Variants in NLE1 observed in about 807,000 individuals in gnomAD.
The protein encoded by NLE1 is notchless homolog 1, also known as notchless protein homolog 1.
A neutral mutation model predicts 62.8 loss-of-function variants in NLE1; 37 were observed. That is an observed-to-expected ratio of 0.59 (90% confidence interval 0.45 to 0.78). NLE1 has a LOEUF of 0.78. Among genes scored for constraint, NLE1 ranks in the 30% least tolerant of loss-of-function variants. The pLI, the probability that NLE1 is intolerant of heterozygous loss-of-function variation, is 0.00. For missense variants in NLE1, 555 were observed against 637.9 expected (o/e 0.87, Z 1.40); for synonymous variants, 243 against 253.0 (o/e 0.96, Z 0.37).
intron 4 of NLE1, 67 bp downstream of exon 4, chr17:35,139,168 G>T: frequency 2.9e-6 from 4 of 1,395,062 alleles, no homozygotes; most frequent in Non-Finnish European, 4.0e-6. Flanking sequence ...ACTCCATCCT[G>T]GTCAACAGAG....
chr17:35,133,615 C>G, intron 10 of NLE1, 117 bp from the exon 11 acceptor site: 1 of 936,816 alleles, frequency 1.1e-6, no homozygotes. Context: ...TTAGAAATAC[C>G]TGGGAACCTT....
chr17:35,129,678 G>A lies in NLE1; in HGVS notation c.*2759C>T, dbSNP rs202177233. On this transcript the variant is annotated 3_prime_UTR_variant, in exon 13 of 13. Coordinates refer to ENST00000442241, the MANE Select transcript of NLE1 (RefSeq NM_018096.5). The stretch of plus-strand genomic sequence containing the variant: ...TACAAAGTGAGCCCTGGGAAAAGAG[G>A]GGCCTTGGGGGTGGAGAGAAGTCCA... 6.2e-7 allele frequency: 1 copy of A among 1,609,100 alleles called. No individual in the cohort carries two copies. Among genetic ancestry groups the A allele is most frequent in the African/African-American group, 1.3e-5 (1 of 74,794 alleles).
chr17:35,137,714 T>TGGC, intron 5 of NLE1, 74 bp from the exon 6 acceptor site: 1 of 1,212,394 alleles, frequency 8.2e-7, no homozygotes, highest in Non-Finnish European at 1.2e-6. Flanking sequence ...GCCTACCACT[T>TGGC]CCCACCCAAC....
chr17:35,140,811 A>C (rs1446623535), intron 2 of NLE1, among the ~76,000 whole-genome samples: 2 of 152,086 alleles, frequency 1.3e-5, no homozygotes, highest in African/African-American at 4.8e-5. Flanking sequence ...GCTGGTCTCG[A>C]ACTCCTGACC....
intron 4 of NLE1, among the ~76,000 whole-genome samples, chr17:35,138,772 G>A (rs1029049970): frequency 6.6e-6 from 1 of 152,190 alleles, no homozygotes; most frequent in African/African-American, 2.4e-5. Flanking sequence ...AAGCCCCTGA[G>A]GCGGGGCAAT....
At chr17:35,141,273 T>G (rs1024352810) in intron 2 of NLE1, among the ~76,000 whole-genome samples, 13 of 151,998 alleles carry the variant, frequency 8.6e-5, no homozygotes, top group African/African-American at 2.9e-4. Context: ...AAAGGCCGGG[T>G]GCGGTGGCTC....
rs374880126 is a variant in NLE1, at chr17:35,139,413, C to T, written c.381-99G>A. 337 of 989,086 alleles carry T rather than the reference C, an allele frequency of 3.4e-4. 3 individuals carry two copies. The African/African-American group carries it at 5.0e-3, about 15-fold the overall frequency. The allele number at this position is 989,086 out of a possible 1,614,324, so 61.3% of individuals were successfully genotyped here. A position where few individuals can be genotyped will look rare whatever the true frequency, so the allele number is the denominator to read the frequency against. The stretch of plus-strand genomic sequence containing the variant: ...AGAATATGGAACTGGACTCTTTCCT[C>T]GCCCCTGGAAGGGAGAAAGACAATA... On this transcript the variant is annotated intron_variant, in intron 3 of 12. Transcript: ENST00000442241.
At chr17:35,133,568 T>C (rs992796234) in intron 10 of NLE1, 70 bp from the exon 11 acceptor site, 4 of 1,431,726 alleles carry the variant, frequency 2.8e-6, no homozygotes, top group Non-Finnish European at 2.8e-6. Context: ...AAGGGTCCCC[T>C]ACGCTCATGG....
rs1029595696 is a variant in NLE1 at position 35,142,270 on chromosome 17, C to T, written c.6G>A (p.Ala2=). 1.9e-6 allele frequency: 3 copies of T among 1,542,592 alleles called. No homozygotes were observed. The South Asian group carries it at 3.6e-5, about 18-fold the overall frequency. The change falls in exon 1 of 13, where the codon GCG becomes GCA. Residue 2 remains alanine (A), a synonymous_variant. Coordinates refer to ENST00000442241, the MANE Select transcript of NLE1 (RefSeq NM_018096.5). The part of the protein sequence containing the change: M[A]AAVPDEAVAR... ...CACGCACACCCACCGGCACTGCTGC[C>T]GCCATCCTGCGTCCCCACGTGGAGG...
Position 35,129,740 on chromosome 17 carries a change from C to T in NLE1, c.*2697G>A. 1.3e-6 allele frequency: 2 copies of T among 1,529,020 alleles called. No individual in the cohort carries two copies. The highest frequency in any genetic ancestry group is 1.8e-6 in the Non-Finnish European group (2 of 1,138,598). The allele number at this position is 1,529,020 out of a possible 1,614,324, so 94.7% of individuals were successfully genotyped here. On this transcript the variant is annotated 3_prime_UTR_variant, in exon 13 of 13. Transcript: ENST00000442241. The stretch of plus-strand genomic sequence containing the variant: ...CCAGGGCTTTGGAGGTTGGGAACAC[C>T]CCTATGCCCACATGACTCATCTGGC...
rs768772546 is a variant in NLE1, at chr17:35,139,850, T to C, written c.379A>G (p.Lys127Glu). The change falls in exon 3 of 13, where the codon AAG becomes GAG. Residue 127 changes from lysine to glutamate, a missense_variant and splice_region_variant. By Grantham distance (56) the Lys-to-Glu change is moderately conservative (BLOSUM62 1). Coordinates refer to ENST00000442241, the MANE Select transcript of NLE1 (RefSeq NM_018096.5). ...VISVAFSPTGKYLASGSGDTT... is the reference protein window; with the variant it reads ...VISVAFSPTGEYLASGSGDTT... ...CCATGAGTCTGCAGCTGTCCTTACT[T>C]TCCCGTAGGGCTGAAGGCCACAGAA... 3 of 1,611,926 alleles carry C rather than the reference T, an allele frequency of 1.9e-6. No homozygotes were observed. The highest frequency in any genetic ancestry group is 2.5e-6 in the Non-Finnish European group (3 of 1,179,972).
rs768525328 is a variant in NLE1 at position 35,137,597 on chromosome 17, G to A, written c.581C>T (p.Thr194Ile). 3 of 1,610,838 alleles carry A rather than the reference G, an allele frequency of 1.9e-6. No individual in the cohort carries two copies. Among genetic ancestry groups the A allele is most frequent in the Non-Finnish European group, 2.5e-6 (3 of 1,179,990 alleles). The change falls in exon 6 of 13, where the codon ACC becomes ATC. Residue 194 changes from threonine (T) to isoleucine (I), a missense_variant. Physicochemically the swap from Thr to Ile is moderately conservative, Grantham distance 89. Transcript: ENST00000442241. ...DPSTGKQVGR[T>I]LAGHSKWITG... Reference sequence around the variant, plus strand: ...GATCCACTTGCTGTGGCCAGCGAGGGTCCTGCCCACCTGCTTCCCTGTGCT... The same window carrying A: ...GATCCACTTGCTGTGGCCAGCGAGGATCCTGCCCACCTGCTTCCCTGTGCT...
In NLE1 at chr17:35,139,951, T is replaced by C. The variant is rs1439724725; in HGVS notation, c.278A>G (p.Gln93Arg). 1 of 1,614,190 alleles carries C rather than the reference T, an allele frequency of 6.2e-7. No homozygotes were observed. The highest frequency in any genetic ancestry group is 1.7e-5 in the Admixed American group (1 of 60,014). The change falls in exon 3 of 13, where the codon CAG becomes CGG. Residue 93 changes from glutamine (Q) to arginine (R), a missense_variant. Physicochemically the swap from Gln to Arg is conservative, Grantham distance 43. Coordinates refer to ENST00000442241, the MANE Select transcript of NLE1 (RefSeq NM_018096.5). The part of the protein sequence containing the change: ...ETEKVLDIIY[Q>R]PQAIFRVRAV... Reference sequence around the variant, plus strand: ...CCGGACTCTGAAGATAGCCTGTGGCTGGTAGATGATGTCTAGGACCTTCTC... The same window carrying C: ...CCGGACTCTGAAGATAGCCTGTGGCCGGTAGATGATGTCTAGGACCTTCTC...
rs1597884466 is a variant in NLE1, at chr17:35,128,928, A to G, written c.*3509T>C. On this transcript the variant is annotated 3_prime_UTR_variant, in exon 13 of 13. Transcript: ENST00000442241. ...ACAGATCATCAGGCATTAGATTCTC[A>G]TAAGGAGCATTCAACTTAGATCCCT... 6.0e-6 allele frequency: 1 copy of G among 166,602 alleles called. No individual in the cohort carries two copies. Among genetic ancestry groups the G allele is most frequent in the East Asian group, 1.7e-4 (1 of 5,874 alleles). 10.3% of individuals were successfully genotyped at this position (166,602 alleles called of 1,614,324 possible).
In NLE1 at chr17:35,139,315, C is replaced by T; in HGVS notation, c.381-1G>A. ...GTCTCCAGAGCCACTGGCCAGGTAC[C>T]TGGGGAAGAAGAGAGGATGCTTGAC... On this transcript the variant is annotated splice_acceptor_variant, in intron 3 of 12. Coordinates refer to ENST00000442241, the MANE Select transcript of NLE1 (RefSeq NM_018096.5). LOFTEE classifies it high-confidence loss of function. 6.2e-7 allele frequency: 1 copy of T among 1,613,698 alleles called. No individual in the cohort carries two copies. Among genetic ancestry groups the T allele is most frequent in the Non-Finnish European group, 8.5e-7 (1 of 1,179,714 alleles).
chr17:35,136,539 C>T (rs951105777), intron 7 of NLE1, 42 bp from the exon 8 acceptor site: 4 of 1,583,350 alleles, frequency 2.5e-6, no homozygotes, highest in Non-Finnish European at 3.5e-6. Flanking sequence ...CACTCCTCCC[C>T]ACGCCTGGGC....
At position 35,129,349 on chromosome 17, in the gene NLE1, CCA is replaced by C; in HGVS notation, c.*3086_*3087del. On this transcript the variant is annotated 3_prime_UTR_variant, in exon 13 of 13. Coordinates refer to ENST00000442241, the MANE Select transcript of NLE1 (RefSeq NM_018096.5). Reference sequence around the variant, plus strand: ...GGGATGGGCATGGGACGTCCTGACCCCAGTTGGGAGGGTGAAGGGACAGGAAG... The same window carrying C: ...GGGATGGGCATGGGACGTCCTGACCCGTTGGGAGGGTGAAGGGACAGGAAG... 2 of 1,563,630 alleles carry C rather than the reference CCA, an allele frequency of 1.3e-6. No individual in the cohort carries two copies. The highest frequency in any genetic ancestry group is 1.7e-6 in the Non-Finnish European group (2 of 1,151,358).
chr17:35,133,343 T>C lies in NLE1; in HGVS notation c.1370A>G (p.Asp457Gly), dbSNP rs1438368106. The C allele has an allele frequency of 3.7e-6, 6 of 1,614,166 alleles. No individual in the cohort carries two copies. The highest frequency in any genetic ancestry group is 5.1e-6 in the Non-Finnish European group (6 of 1,180,032). Reference protein sequence around the residue: ...KLAMDLPGHADEVYAVDWSPD... With the variant: ...KLAMDLPGHAGEVYAVDWSPD... ...TTGCCTGAGGGTTGGCCCTACCTCA[T>C]CCGCGTGGCCGGGCAGGTCCATGGC... is the stretch of plus-strand genomic sequence containing the variant. The change falls in exon 11 of 13, where the codon GAT becomes GGT. Residue 457 changes from aspartate to glycine, a missense_variant. Physicochemically the swap from Asp to Gly is moderately conservative, Grantham distance 94. Transcript: ENST00000442241.
chr17:35,133,153 C>G lies in NLE1; in HGVS notation c.1445+18G>C. 1 of 1,612,982 alleles carries G rather than the reference C, an allele frequency of 6.2e-7. No individual in the cohort carries two copies. The highest frequency in any genetic ancestry group is 8.5e-7 in the Non-Finnish European group (1 of 1,178,910). ...TAGGAGGGCTGTGTATGCCAACCAC[C>G]ACTTCCCCCACACTCACATCCGGAG... On this transcript the variant is annotated intron_variant, in intron 12 of 12. Coordinates refer to ENST00000442241, the MANE Select transcript of NLE1 (RefSeq NM_018096.5).
Sources: allele counts gnomAD v4.1 joint callset (sites outside exome capture counted in the v4.1 genomes callset), GRCh38; gene constraint gnomAD v4.1.1; transcripts MANE v1.5; gene names NCBI Gene and HGNC (gene_info 2026-07-23, HGNC 2026-07-21).